Variants in DHDDS observed in about 807,000 individuals in gnomAD.
DHDDS encodes the protein dehydrodolichyl diphosphate synthase subunit, also known as dehydrodolichyl diphosphate synthase complex subunit DHDDS.
Under a neutral mutation model 46.2 loss-of-function variants are expected in DHDDS, and 16 were observed. The ratio of observed to expected loss-of-function variants is 0.35; its 90% CI spans 0.23 to 0.53. DHDDS has a LOEUF of 0.53. DHDDS is among the 20% of genes least tolerant of loss of function. The pLI is 0.94. For missense variants in DHDDS, 340 were observed against 423.7 expected, an observed-to-expected ratio of 0.80 and a Z score of 1.73; for synonymous variants, 151 against 163.1, an observed-to-expected ratio of 0.93 and a Z score of 0.56.
rs559080737 is a variant in DHDDS at position 26,454,891 on chromosome 1, C to T, written c.543-2900C>T. 28 of 1,596,730 alleles carry T rather than the reference C, an allele frequency of 1.8e-5. 1 individual carries two copies. In the South Asian group the frequency reaches 3.0e-4, roughly 17 times the overall value. ...TTAAACCCTTAAGTTCAGCATTACT[C>T]TCTGCATTTTTAAGCATGTGCAGCA... On this transcript the variant is annotated intron_variant, in intron 6 of 8. Coordinates refer to ENST00000236342, the MANE Select transcript of DHDDS (RefSeq NM_205861.3).
Position 26,470,431 on chromosome 1 carries a change from G to C in DHDDS, c.*1300G>C, listed in dbSNP as rs12096239. 0.23 allele frequency: 34,462 copies of C among 151,382 alleles called. 4,353 individuals carry two copies. The highest frequency in any genetic ancestry group is 0.35 in the Admixed American group (5,378 of 15,184). The allele number at this position is 151,382 out of a possible 1,614,324, so 9.4% of individuals were successfully genotyped here. A position where few individuals can be genotyped will look rare whatever the true frequency, so the allele number is the denominator to read the frequency against. Reference sequence around the variant, plus strand: ...CAAAGTGCTGGGATTACAGGCATGAGCCACCATGCCAGACTTCCCATTTTA... The same window carrying C: ...CAAAGTGCTGGGATTACAGGCATGACCCACCATGCCAGACTTCCCATTTTA... On this transcript the variant is annotated 3_prime_UTR_variant, in exon 9 of 9. Coordinates refer to ENST00000236342, the MANE Select transcript of DHDDS (RefSeq NM_205861.3).
intron 6 of DHDDS, 86 bp downstream of exon 6, chr1:26,447,746 T>C: frequency 7.9e-7 from 1 of 1,265,196 alleles, no homozygotes; most frequent in African/African-American, 1.5e-5. Flanking sequence ...CCTAGCACAT[T>C]AGGAGGCCGA....
At chr1:26,438,475 A>C (rs2075184191) in intron 3 of DHDDS, 191 bp downstream of exon 3, 1 of 572,034 alleles carries the variant, frequency 1.7e-6, no homozygotes, top group Admixed American at 2.5e-5. Flanking sequence ...CTCTAATCCC[A>C]CACTTTGGGA....
At chr1:26,445,539 C>G (rs2075260040) in intron 4 of DHDDS, among the ~76,000 whole-genome samples, 1 of 152,034 alleles carries the variant, frequency 6.6e-6, no homozygotes, top group Non-Finnish European at 1.5e-5. Flanking sequence ...ATAGTGAGAC[C>G]TCATCTTTAC....
intron 8 of DHDDS, among the ~76,000 whole-genome samples, chr1:26,463,609 C>T (rs1351899949): frequency 1.3e-5 from 2 of 151,990 alleles, no homozygotes; most frequent in Non-Finnish European, 2.9e-5. Context: ...CAGGTTCAAG[C>T]GATTCTCCTG....
chr1:26,434,420 G>A (rs1228030360), intron 2 of DHDDS, among the ~76,000 whole-genome samples: 2 of 152,208 alleles, frequency 1.3e-5, no homozygotes, highest in Non-Finnish European at 2.9e-5. Context: ...GAAATGGGAA[G>A]TATCTCCTTG....
chr1:26,454,845 C>T lies in DHDDS; in HGVS notation c.543-2946C>T, dbSNP rs878903827. On this transcript the variant is annotated intron_variant, in intron 6 of 8. Coordinates refer to ENST00000236342, the MANE Select transcript of DHDDS (RefSeq NM_205861.3). Reference sequence around the variant, plus strand: ...GGTGCTTTGTTCACTTGGATATGCTCAATGACCAGAGAATCTACATTTAAA... The same window carrying T: ...GGTGCTTTGTTCACTTGGATATGCTTAATGACCAGAGAATCTACATTTAAA... 1.9e-6 allele frequency: 3 copies of T among 1,585,070 alleles called. No homozygotes were observed. In the South Asian group the frequency reaches 3.3e-5, roughly 17 times the overall value.
chr1:26,464,527 C>T (rs1392929056), intron 8 of DHDDS, among the ~76,000 whole-genome samples: 4 of 148,954 alleles, frequency 2.7e-5, no homozygotes, highest in Non-Finnish European at 4.5e-5. Flanking sequence ...GCTTTCTCTA[C>T]CCCAGAAGCT....
At chr1:26,460,181 A>G (rs2075408555) in intron 8 of DHDDS, 37 bp downstream of exon 8, 1 of 1,502,562 alleles carries the variant, frequency 6.7e-7, no homozygotes, top group Non-Finnish European at 9.3e-7. Flanking sequence ...ATGGGATGGG[A>G]TGGAAGAAAA....
chr1:26,449,230 C>G (rs932155904), intron 6 of DHDDS, among the ~76,000 whole-genome samples: 11 of 151,886 alleles, frequency 7.2e-5, no homozygotes, highest in African/African-American at 1.9e-4. Flanking sequence ...TCCCAAGTAG[C>G]TGGGATTACA....
chr1:26,456,591 C>T (rs960582031), intron 6 of DHDDS, among the ~76,000 whole-genome samples: 1 of 152,114 alleles, frequency 6.6e-6, no homozygotes, highest in Non-Finnish European at 1.5e-5. Context: ...TGGGGTTTCA[C>T]CTTGTTGGCC....
intron 6 of DHDDS, among the ~76,000 whole-genome samples, chr1:26,456,396 G>GT (rs936954593): frequency 7.3e-5 from 11 of 150,712 alleles, no homozygotes; most frequent in Non-Finnish European, 1.0e-4. Flanking sequence ...TATGTTTTCT[G>GT]TTTTTTTTTG....
intron 2 of DHDDS, among the ~76,000 whole-genome samples, chr1:26,436,390 G>C (rs1281658380): frequency 7.1e-6 from 1 of 140,390 alleles, no homozygotes; most frequent in Non-Finnish European, 1.6e-5. Flanking sequence ...GGGTAATAGA[G>C]TAAGACTCTG....
At position 26,466,890 on chromosome 1, in the gene DHDDS, A is replaced by G. The variant is rs74381182; in HGVS notation, c.766-2005A>G. On this transcript the variant is annotated intron_variant, in intron 8 of 8. Transcript: ENST00000236342. ...ACTCTTATCCCGGTTTTGCAGAGTA[A>G]GAGAGAGCCTTAGAGAGGTGAGGGA... is the stretch of plus-strand genomic sequence containing the variant. Among the ~76,000 whole-genome samples the G allele has an allele frequency of 7.9e-3, 1,202 of 152,322 alleles. 14 individuals carry two copies. The highest frequency in any genetic ancestry group is 0.027 in the African/African-American group (1,124 of 41,562).
intron 2 of DHDDS, among the ~76,000 whole-genome samples, chr1:26,434,645 G>C (rs1184713652): frequency 6.6e-6 from 1 of 151,978 alleles, no homozygotes; most frequent in Non-Finnish European, 1.5e-5. Context: ...CCAAATAAGG[G>C]TTTTGTTTTT....
At chr1:26,439,869 G>C (rs530539010) in intron 3 of DHDDS, among the ~76,000 whole-genome samples, 15 of 152,342 alleles carry the variant, frequency 9.8e-5, no homozygotes, top group Non-Finnish European at 2.1e-4. Context: ...GGCCGGGCGC[G>C]GTGGCTTACG....
chr1:26,442,560 T>C (rs527532820), intron 3 of DHDDS, 171 bp from the exon 4 acceptor site: 4 of 763,810 alleles, frequency 5.2e-6, no homozygotes, highest in South Asian at 2.9e-5. Context: ...TTCTGCTTAT[T>C]TGATGCATTA....
rs751083891 is a variant in DHDDS, at chr1:26,442,717, T to C, written c.181-14T>C. 6.2e-7 allele frequency: 1 copy of C among 1,614,104 alleles called. No individual in the cohort carries two copies. Among genetic ancestry groups the C allele is most frequent in the Admixed American group, 1.7e-5 (1 of 60,012 alleles). On this transcript the variant is annotated splice_polypyrimidine_tract_variant and intron_variant, in intron 3 of 8. Transcript: ENST00000236342. ...CTTCCTTGTATCCTAGCTCCTTGCC[T>C]TCTCCCCTCTCAGACTCTGCGGTGG...
At chr1:26,440,481 C>G (rs1044258799) in intron 3 of DHDDS, among the ~76,000 whole-genome samples, 4 of 152,202 alleles carry the variant, frequency 2.6e-5, no homozygotes, top group Non-Finnish European at 5.9e-5. Flanking sequence ...ATGGGGTTAG[C>G]AATCTCTATC....
Sources: gnomAD v4.1 joint callset for allele counts (sites outside exome capture counted in the v4.1 genomes callset) on GRCh38, gnomAD v4.1.1 for gene constraint, MANE v1.5 for transcripts, NCBI Gene and HGNC (gene_info 2026-07-23, HGNC 2026-07-21) for gene names.